The following MOGAT1 variants were observed in gnomAD, a reference collection of about 807,000 sequenced individuals.
The protein encoded by MOGAT1 is 2-acylglycerol O-acyltransferase 1.
Under a neutral mutation model 31.4 loss-of-function variants are expected in MOGAT1, and 32 were observed. That is an observed-to-expected ratio of 1.02 (90% confidence interval 0.77 to 1.37). MOGAT1 has a LOEUF of 1.37. Ranked by LOEUF, MOGAT1 falls within the 40% of genes most tolerant of loss-of-function variation. MOGAT1 has a pLI of 0.00. For synonymous variants in MOGAT1, 145 were observed against 144.5 expected (o/e 1.00, Z -0.03); for missense variants, 426 against 402.0 (o/e 1.06, Z -0.51).
chr2:222,692,608 T>C (rs116027830), intron 3 of MOGAT1, among the ~76,000 whole-genome samples: 6,339 of 152,256 alleles, frequency 0.042, 163 homozygotes, highest in African/African-American at 0.065. Flanking sequence ...GAGCTGTCAA[T>C]TGGGCATTTG....
intron 3 of MOGAT1, among the ~76,000 whole-genome samples, chr2:222,690,351 G>A (rs1574973506): frequency 6.6e-6 from 1 of 152,296 alleles, no homozygotes; most frequent in Non-Finnish European, 1.5e-5. Flanking sequence ...CTTGAGGTCA[G>A]GAGTTCGAGA....
chr2:222,672,922 ATT>A (rs1692441861), intron 1 of MOGAT1, among the ~76,000 whole-genome samples: 1 of 148,564 alleles, frequency 6.7e-6, no homozygotes, highest in South Asian at 2.1e-4. Flanking sequence ...TATTATTATT[ATT>A]ATCTTTGAGA....
At chr2:222,672,742 G>A (rs6717582) in intron 1 of MOGAT1, among the ~76,000 whole-genome samples, 129,525 of 151,738 alleles carry the variant, frequency 0.85, 56,174 homozygotes, top group African/African-American at 0.97. Context: ...ATAGTAATAA[G>A]CCCATTGCAT....
Position 222,709,879 on chromosome 2 carries a change from GT to G in MOGAT1, c.1001del (p.Leu334Ter). 1 of 1,599,402 alleles carries G rather than the reference GT, an allele frequency of 6.3e-7. No homozygotes were observed. The highest frequency in any genetic ancestry group is 8.5e-7 in the Non-Finnish European group (1 of 1,174,034). On this transcript the variant is annotated frameshift_variant, in exon 6 of 6. Transcript: ENST00000446656. LOFTEE classifies it high-confidence loss of function. Reference sequence around the variant, plus strand: ...TGGCATTCCAGAGCACGAGACTCTTGTTTTAAAATGACTTGACTATAAAAAA... The same window carrying G: ...TGGCATTCCAGAGCACGAGACTCTTGTTTAAAATGACTTGACTATAAAAAA... Reference protein sequence around the residue: ...KYGIPEHETLVLK With the variant: ...KYGIPEHETLXLK
chr2:222,693,876 C>T (rs541344919), intron 3 of MOGAT1, among the ~76,000 whole-genome samples: 168 of 152,194 alleles, frequency 1.1e-3, no homozygotes, highest in African/African-American at 3.8e-3. Flanking sequence ...AATAATGATC[C>T]ATATAGAATA....
intron 1 of MOGAT1, among the ~76,000 whole-genome samples, chr2:222,680,191 A>G (rs1217082185): frequency 6.6e-6 from 1 of 152,170 alleles, no homozygotes; most frequent in Non-Finnish European, 1.5e-5. Context: ...TTTTAACATT[A>G]CGCAAGGGAT....
intron 5 of MOGAT1, among the ~76,000 whole-genome samples, chr2:222,701,296 GGAGGAGAGAGAGA>G (rs1448003267): frequency 1.0e-3 from 95 of 94,692 alleles, no homozygotes; most frequent in African/African-American, 3.7e-3. Context: ...GAGAGGAGGA[GGAGGAGAGAGAGA>G]GAGAGAGAGA....
intron 1 of MOGAT1, chr2:222,677,886 A>G (rs1692522361): frequency 3.8e-6 from 1 of 263,388 alleles, no homozygotes; most frequent in Non-Finnish European, 8.0e-6. Context: ...CTTGTCTTTA[A>G]TGATCCAGAT....
At position 222,688,510 on chromosome 2, in the gene MOGAT1, T is replaced by C. The variant is rs746034762; in HGVS notation, c.261T>C (p.Tyr87=). ...NWTLWKHFKD[Y]FPIHLIKTQD... is the part of the protein sequence containing the mutation. Reference sequence around the variant, plus strand: ...CTCTTTGGAAACACTTTAAGGACTATTTTCCAATTCATGTGAGTACAGTTG... The same window carrying C: ...CTCTTTGGAAACACTTTAAGGACTACTTTCCAATTCATGTGAGTACAGTTG... The change falls in exon 2 of 6, where the codon TAT becomes TAC. Residue 87 remains tyrosine, a synonymous_variant. Coordinates refer to ENST00000446656, the MANE Select transcript of MOGAT1 (RefSeq NM_058165.3). 2.7e-5 allele frequency: 43 copies of C among 1,609,296 alleles called. No homozygotes were observed. The highest frequency in any genetic ancestry group is 4.0e-5 in the African/African-American group (3 of 74,666).
At chr2:222,676,147 C>G (rs1692494527) in intron 1 of MOGAT1, among the ~76,000 whole-genome samples, 1 of 147,654 alleles carries the variant, frequency 6.8e-6, no homozygotes, top group Non-Finnish European at 1.5e-5. Context: ...AACCACTGAT[C>G]TCCTTTTTTT....
At chr2:222,687,132 AAAAAAAAGAAAGAACAAG>A (rs1456296922) in intron 1 of MOGAT1, among the ~76,000 whole-genome samples, 7,692 of 123,592 alleles carry the variant, frequency 0.062, 1,049 homozygotes, top group African/African-American at 0.17. Context: ...AAAAAAAAAA[AAAAAAAAGAAAGAACAAG>A]AAAGAAAGAA....
At chr2:222,688,953 G>T (rs947634355) in intron 2 of MOGAT1, among the ~76,000 whole-genome samples, 3 of 152,176 alleles carry the variant, frequency 2.0e-5, no homozygotes, top group Non-Finnish European at 4.4e-5. Context: ...CAACACCGTT[G>T]CGTTGGGGAT....
chr2:222,672,889 T>TTTATTATTATTATTA (rs58396282), intron 1 of MOGAT1, among the ~76,000 whole-genome samples: 65 of 139,216 alleles, frequency 4.7e-4, no homozygotes, highest in Middle Eastern at 3.7e-3. Flanking sequence ...CTGGAATTTG[T>TTTATTATTATTATTA]TTATTATTAT....
intron 1 of MOGAT1, among the ~76,000 whole-genome samples, chr2:222,672,857 G>C (rs985549241): frequency 6.6e-6 from 1 of 150,916 alleles, no homozygotes; most frequent in African/African-American, 2.4e-5. Flanking sequence ...CTTCTAAAAA[G>C]TGCAGATGCC....
At chr2:222,696,412 T>C (rs961070898) in intron 5 of MOGAT1, among the ~76,000 whole-genome samples, 1 of 152,220 alleles carries the variant, frequency 6.6e-6, no homozygotes, top group African/African-American at 2.4e-5. Flanking sequence ...TTTCACTGCA[T>C]CCACACCAAC....
At chr2:222,672,924 T>TATTATTATTATC (rs1379465680) in intron 1 of MOGAT1, among the ~76,000 whole-genome samples, 48 of 145,778 alleles carry the variant, frequency 3.3e-4, no homozygotes, top group African/African-American at 1.1e-3. Flanking sequence ...TTATTATTAT[T>TATTATTATTATC]ATCTTTGAGA....
intron 1 of MOGAT1, among the ~76,000 whole-genome samples, chr2:222,675,481 CTTT>C (rs66486955): frequency 2.2e-5 from 3 of 133,350 alleles, no homozygotes; most frequent in Admixed American, 7.8e-5. Context: ...TTTTCTTTTT[CTTT>C]TTTTTTTTTT....
chr2:222,680,622 G>A (rs764110573), intron 1 of MOGAT1, among the ~76,000 whole-genome samples: 11 of 152,254 alleles, frequency 7.2e-5, no homozygotes, highest in South Asian at 4.1e-4. Context: ...TCTACAGATG[G>A]CACGGATAGG....
chr2:222,701,598 G>GAGAAAGAAAGGGAGGGAT (rs1692930609), intron 5 of MOGAT1, among the ~76,000 whole-genome samples: 1 of 57,754 alleles, frequency 1.7e-5, no homozygotes, highest in Non-Finnish European at 3.9e-5. Flanking sequence ...AAGAAAGAAA[G>GAGAAAGAAAGGGAGGGAT]GGAGGGAGGG....
Sources: gnomAD v4.1 joint callset for allele counts (sites outside exome capture counted in the v4.1 genomes callset) on GRCh38, gnomAD v4.1.1 for gene constraint, MANE v1.5 for transcripts, NCBI Gene and HGNC (gene_info 2026-07-23, HGNC 2026-07-21) for gene names.